Variants in ARSH observed in about 807,000 individuals in gnomAD.
ARSH encodes the protein arylsulfatase family member H, also known as arylsulfatase H.
A neutral mutation model predicts 28.7 loss-of-function variants in ARSH; 32 were observed. The ratio of observed to expected loss-of-function variants is 1.11; its 90% CI spans 0.84 to 1.50. The LOEUF (loss-of-function observed/expected upper bound fraction) is 1.50. ARSH is among the 40% of genes most tolerant of loss of function. The probability of loss-of-function intolerance (pLI) is 0.00; values close to 1 mark genes in which losing one functional copy is unlikely to be tolerated. For missense variants in ARSH, 440 were observed against 452.4 expected, an observed-to-expected ratio of 0.97 and a Z score of 0.25; for synonymous variants, 176 against 177.3, an observed-to-expected ratio of 0.99 and a Z score of 0.06.
intron 1 of ARSH, among the ~76,000 whole-genome samples, chrX:3,009,021 C>A (rs778539488): frequency 9.0e-6 from 1 of 110,937 alleles, no homozygotes; most frequent in Non-Finnish European, 1.9e-5. Flanking sequence ...ATTAGACAAA[C>A]AAAATGGGAA....
At chrX:3,012,316 T>A (rs1034033036) in intron 2 of ARSH, among the ~76,000 whole-genome samples, 1 of 105,031 alleles carries the variant, frequency 9.5e-6, no homozygotes, top group African/African-American at 3.5e-5. Context: ...GGTGGGTGGA[T>A]CACGTGAGGT....
rs2089891382 is a variant in ARSH, at chrX:3,023,902, T to C, written c.902-119T>C. ...TTATATGATTAATTATACAATATCG[T>C]GTAGTGCAGAATAACATTGAAACGC... is the stretch of plus-strand genomic sequence containing the variant. On this transcript the variant is annotated intron_variant, in intron 5 of 8. Coordinates refer to ENST00000381130, the MANE Select transcript of ARSH (RefSeq NM_001011719.2). 5.5e-6 allele frequency: 4 copies of C among 729,727 alleles called. No individual in the cohort carries two copies. In the Admixed American group the frequency reaches 1.3e-4, roughly 24 times the overall value. 60.1% of individuals were successfully genotyped at this position (729,727 alleles called of 1,213,427 possible). A position where few individuals can be genotyped will look rare whatever the true frequency, so the allele number is the denominator to read the frequency against.
chrX:3,016,003 ATTT>A (rs776644529), intron 4 of ARSH, among the ~76,000 whole-genome samples: 1 of 99,192 alleles, frequency 1.0e-5, no homozygotes. Flanking sequence ...TAATGTTTTA[ATTT>A]TTTTTTTTTT....
chrX:3,028,176 T>C (rs1390004821), intron 7 of ARSH, among the ~76,000 whole-genome samples: 1 of 112,156 alleles, frequency 8.9e-6, no homozygotes, highest in Admixed American at 9.5e-5. Context: ...TTCTTTCTGG[T>C]TTGCACTTTG....
At chrX:3,032,314 T>C (rs1396489862) in intron 8 of ARSH, among the ~76,000 whole-genome samples, 2 of 102,431 alleles carry the variant, frequency 2.0e-5, no homozygotes, top group African/African-American at 7.2e-5. Context: ...TAATAAAAAA[T>C]GAAAAATAAA....
chrX:3,027,236 A>C (rs2089901284), intron 6 of ARSH, 77 bp from the exon 7 acceptor site: 1 of 1,097,036 alleles, frequency 9.1e-7, no homozygotes, highest in Non-Finnish European at 1.2e-6. Context: ...CTGGGATTAC[A>C]GGCGTGAGCC....
intron 5 of ARSH, among the ~76,000 whole-genome samples, chrX:3,021,347 TTA>T (rs1048337513): frequency 1.8e-5 from 2 of 112,072 alleles, no homozygotes; most frequent in African/African-American, 6.5e-5. Flanking sequence ...AATTGCATTA[TTA>T]AATGGCTAAT....
chrX:3,015,500 A>T (rs1029487586), intron 4 of ARSH, 107 bp downstream of exon 4: 5 of 804,292 alleles, frequency 6.2e-6, no homozygotes, highest in African/African-American at 2.1e-5. Context: ...TCTTGGAGAG[A>T]ATGTGCGGCA....
chrX:3,012,238 T>C (rs1040063505), intron 2 of ARSH, among the ~76,000 whole-genome samples: 1 of 109,617 alleles, frequency 9.1e-6, no homozygotes, highest in Non-Finnish European at 1.9e-5. Flanking sequence ...AGTATAAATC[T>C]ACATAAAATT....
In ARSH at chrX:3,014,921, G is replaced by A. The variant is rs772626709; in HGVS notation, c.341-49G>A. On this transcript the variant is annotated intron_variant, in intron 3 of 8. Transcript: ENST00000381130. ...AAGCCCACATTCTAGAAACAGACCG[G>A]CATTGAATGCTGCCATGCTGCCATG... The A allele has an allele frequency of 8.5e-5, 95 of 1,112,279 alleles. 1 individual carries two copies. The Admixed American group carries it at 1.5e-3, about 17-fold the overall frequency. 91.7% of individuals were successfully genotyped at this position (1,112,279 alleles called of 1,213,427 possible).
chrX:3,018,461 G>A (rs2089871835), intron 4 of ARSH, 73 bp from the exon 5 acceptor site: 1 of 1,089,285 alleles, frequency 9.2e-7, no homozygotes, highest in Non-Finnish European at 1.3e-6. Flanking sequence ...TTTCATCAGT[G>A]CAGAATCGCA....
At chrX:3,018,427 C>A (rs1275997056) in intron 4 of ARSH, 107 bp from the exon 5 acceptor site, 1 of 830,406 alleles carries the variant, frequency 1.2e-6, no homozygotes, top group Non-Finnish European at 1.7e-6. Flanking sequence ...ACATAGAAAA[C>A]CTCCGCCAGC....
At chrX:3,010,622 A>G (rs1404347028) in intron 2 of ARSH, among the ~76,000 whole-genome samples, 2 of 112,432 alleles carry the variant, frequency 1.8e-5, no homozygotes, top group Non-Finnish European at 3.8e-5. Context: ...TCATTTCAAG[A>G]TTTAGACTTA....
At position 3,029,429 on chromosome X, in the gene ARSH, G is replaced by A. The variant is rs79420011; in HGVS notation, c.1321+61G>A. ...TAAGGGCCCGGTTCCGGTCTCCTTC[G>A]TCTCCTGGCGGAAGCTGCACCATGT... On this transcript the variant is annotated intron_variant, in intron 8 of 8. Coordinates refer to ENST00000381130, the MANE Select transcript of ARSH (RefSeq NM_001011719.2). 2.6e-3 allele frequency: 3,017 copies of A among 1,160,078 alleles called. 40 individuals carry two copies. In the East Asian group the frequency reaches 0.033, roughly 13 times the overall value.
intron 2 of ARSH, among the ~76,000 whole-genome samples, chrX:3,011,927 C>G (rs1334633706): frequency 9.0e-6 from 1 of 111,680 alleles, no homozygotes; most frequent in East Asian, 2.8e-4. Flanking sequence ...ATTGCAACCT[C>G]TGCCTCCCAG....
intron 6 of ARSH, among the ~76,000 whole-genome samples, chrX:3,025,039 A>C (rs1378275239): frequency 9.1e-6 from 1 of 110,117 alleles, no homozygotes; most frequent in Non-Finnish European, 1.9e-5. Context: ...ATTTTCCTGG[A>C]GGTATAATCA....
intron 7 of ARSH, among the ~76,000 whole-genome samples, chrX:3,028,946 C>T (rs1241033520): frequency 6.4e-5 from 7 of 108,975 alleles, no homozygotes; most frequent in Non-Finnish European, 9.5e-5. Flanking sequence ...GGCATGGTGG[C>T]GTGTGCCTGT....
At chrX:3,013,704 C>A (rs2089857899) in intron 3 of ARSH, among the ~76,000 whole-genome samples, 2 of 110,451 alleles carry the variant, frequency 1.8e-5, no homozygotes, top group Admixed American at 9.8e-5. Flanking sequence ...GTGATCAAAT[C>A]CTTTTGGGAA....
At position 3,033,593 on chromosome X, in the gene ARSH, A is replaced by G. The variant is rs2089921187; in HGVS notation, c.*208A>G. 3 of 346,881 alleles carry G rather than the reference A, an allele frequency of 8.6e-6. No individual in the cohort carries two copies. The allele number at this position is 346,881 out of a possible 1,213,427, so 28.6% of individuals were successfully genotyped here. On this transcript the variant is annotated 3_prime_UTR_variant, in exon 9 of 9. Transcript: ENST00000381130. ...ACCTGGAGGGGAGCATTTGTTGTAT[A>G]ATTTTTTTCTAGTATATAATTGTGC...
Sources: gnomAD v4.1 joint callset for allele counts (sites outside exome capture counted in the v4.1 genomes callset) on GRCh38, gnomAD v4.1.1 for gene constraint, MANE v1.5 for transcripts, NCBI Gene and HGNC (gene_info 2026-07-23, HGNC 2026-07-21) for gene names.